Variants in NEGR1 observed in about 807,000 individuals in gnomAD.
NEGR1 encodes the protein IgLON family member 4.
In NEGR1, 10 loss-of-function variants were observed where a neutral mutation model predicts 40.9. The observed-to-expected ratio is 0.24, with a 90% CI of 0.15 to 0.42. NEGR1 has a LOEUF of 0.42. NEGR1 is among the 10% of genes least tolerant of loss of function. NEGR1 has a pLI of 1.00. For synonymous variants in NEGR1, 185 were observed against 166.8 expected (o/e 1.11, Z -0.84); for missense variants, 352 against 438.9 (o/e 0.80, Z 1.77).
intron 1 of NEGR1, among the ~76,000 whole-genome samples, chr1:72,272,715 A>C (rs1655885766): frequency 6.6e-6 from 1 of 151,984 alleles, no homozygotes; most frequent in Non-Finnish European, 1.5e-5. Flanking sequence ...CTTTAAACAT[A>C]CGCTAATACA....
In NEGR1 at chr1:72,244,935, T is replaced by C. The variant is rs190697998; in HGVS notation, c.176+37384A>G. Among the ~76,000 whole-genome samples, 144 of 152,086 alleles carry C rather than the reference T, an allele frequency of 9.5e-4. No individual in the cohort carries two copies. In the Middle Eastern group the frequency reaches 0.017, roughly 18 times the overall value. ...ACCACATAGTGCTTCTGTATAATGT[T>C]TGGGGCCATTGTAAATAGTGAAATC... On this transcript the variant is annotated intron_variant, in intron 1 of 6. Coordinates refer to ENST00000357731, the MANE Select transcript of NEGR1 (RefSeq NM_173808.3).
rs1646271568 is a variant in NEGR1 at position 71,405,305 on chromosome 1, C to T, written c.*2141G>A. 1.3e-5 allele frequency: 2 copies of T among 152,214 alleles called. 1 individual carries two copies. Among genetic ancestry groups the T allele is most frequent in the Admixed American group, 1.3e-4 (2 of 15,226 alleles). 9.4% of individuals were successfully genotyped at this position (152,214 alleles called of 1,614,324 possible). On this transcript the variant is annotated 3_prime_UTR_variant, in exon 7 of 7. Transcript: ENST00000357731. ...TCACTGAATAATATGCATTCTTGAT[C>T]TGTTTCTTTCTCCCAAACAATGGTA...
At chr1:71,604,550 C>A (rs930425772) in intron 5 of NEGR1, among the ~76,000 whole-genome samples, 1 of 152,006 alleles carries the variant, frequency 6.6e-6, no homozygotes, top group African/African-American at 2.4e-5. Flanking sequence ...ATGGTCATTA[C>A]TCTTTATTAT....
intron 1 of NEGR1, among the ~76,000 whole-genome samples, chr1:71,954,064 TAA>T (rs1646096052): frequency 6.6e-6 from 1 of 151,938 alleles, no homozygotes; most frequent in Admixed American, 6.6e-5. Context: ...TTAGAATTTG[TAA>T]AATTAGCTGG....
chr1:71,730,940 C>A (rs1026392308), intron 3 of NEGR1, among the ~76,000 whole-genome samples: 1 of 143,890 alleles, frequency 6.9e-6, no homozygotes, highest in African/African-American at 2.6e-5. Flanking sequence ...CTTGATTATA[C>A]AAAGAAATTA....
At chr1:71,908,051 A>G (rs1413818198) in intron 2 of NEGR1, among the ~76,000 whole-genome samples, 3 of 152,104 alleles carry the variant, frequency 2.0e-5, no homozygotes, top group African/African-American at 4.8e-5. Context: ...ACTGTTGGGA[A>G]CTATGCTTAC....
chr1:71,450,320 G>A (rs921579286), intron 6 of NEGR1, among the ~76,000 whole-genome samples: 1 of 151,940 alleles, frequency 6.6e-6, no homozygotes, highest in African/African-American at 2.4e-5. Flanking sequence ...CAAACTATCT[G>A]TTATTAATTC....
chr1:72,251,159 T>C (rs866062581), intron 1 of NEGR1, among the ~76,000 whole-genome samples: 1 of 152,342 alleles, frequency 6.6e-6, no homozygotes. Context: ...CTTGTGACTG[T>C]GTATGATAAA....
intron 1 of NEGR1, among the ~76,000 whole-genome samples, chr1:72,211,725 T>C (rs1416733596): frequency 1.3e-5 from 2 of 151,752 alleles, no homozygotes; most frequent in South Asian, 2.1e-4. Context: ...TAAATATTGA[T>C]AGACCTAACT....
At chr1:71,763,927 T>C (rs1445943594) in intron 3 of NEGR1, among the ~76,000 whole-genome samples, 2 of 152,172 alleles carry the variant, frequency 1.3e-5, no homozygotes, top group Non-Finnish European at 2.9e-5. Flanking sequence ...GAGCATTCAT[T>C]GGTTCAGCAA....
intron 3 of NEGR1, among the ~76,000 whole-genome samples, chr1:71,718,177 T>C (rs551221689): frequency 9.2e-4 from 140 of 152,320 alleles, no homozygotes; most frequent in African/African-American, 3.2e-3. Context: ...TCATGTTGAA[T>C]TGGAATCCTC....
At chr1:71,696,904 C>T (rs184890902) in intron 4 of NEGR1, among the ~76,000 whole-genome samples, 2 of 151,934 alleles carry the variant, frequency 1.3e-5, no homozygotes, top group Admixed American at 1.3e-4. Context: ...AAACTGCCTC[C>T]TGACTTGGTA....
chr1:72,174,671 C>A (rs1300323713), intron 1 of NEGR1, among the ~76,000 whole-genome samples: 1 of 152,028 alleles, frequency 6.6e-6, no homozygotes, highest in Non-Finnish European at 1.5e-5. Context: ...GAACAAAGAT[C>A]CCACATTACT....
chr1:72,080,423 A>C (rs1647946339), intron 1 of NEGR1, among the ~76,000 whole-genome samples: 1 of 152,058 alleles, frequency 6.6e-6, no homozygotes, highest in African/African-American at 2.4e-5. Flanking sequence ...AGATGTATTA[A>C]TTTATGCATT....
intron 1 of NEGR1, among the ~76,000 whole-genome samples, chr1:72,160,537 C>A (rs1557556328): frequency 1.3e-5 from 2 of 151,990 alleles, no homozygotes; most frequent in Non-Finnish European, 1.5e-5. Flanking sequence ...ACCAAAGGAG[C>A]AGCAGAAATA....
intron 1 of NEGR1, among the ~76,000 whole-genome samples, chr1:72,232,130 C>T (rs954724183): frequency 8.6e-5 from 13 of 151,820 alleles, no homozygotes; most frequent in East Asian, 5.8e-4. Flanking sequence ...CTGAGGCGGG[C>T]GGATCACAAG....
chr1:71,539,483 C>A (rs189007832), intron 6 of NEGR1, among the ~76,000 whole-genome samples: 1 of 151,674 alleles, frequency 6.6e-6, no homozygotes, highest in African/African-American at 2.4e-5. Flanking sequence ...AGATAGACTG[C>A]ATTTATTTTG....
intron 4 of NEGR1, among the ~76,000 whole-genome samples, chr1:71,660,206 T>C (rs1166018183): frequency 6.6e-6 from 1 of 152,308 alleles, no homozygotes. Flanking sequence ...GCTATTATCC[T>C]TAGCAAACTA....
intron 6 of NEGR1, among the ~76,000 whole-genome samples, chr1:71,507,958 G>A (rs991286685): frequency 4.6e-5 from 7 of 152,140 alleles, no homozygotes; most frequent in East Asian, 1.9e-4. Flanking sequence ...CACCTTCCCC[G>A]CTAAAGAAGA....
Sources: gnomAD v4.1 joint callset for allele counts (sites outside exome capture counted in the v4.1 genomes callset) on GRCh38, gnomAD v4.1.1 for gene constraint, MANE v1.5 for transcripts, NCBI Gene and HGNC (gene_info 2026-07-23, HGNC 2026-07-21) for gene names.